ATP13A5: variants seen among roughly 807,000 people sequenced by gnomAD.
ATP13A5 encodes the protein ATPase 13A5.
A neutral mutation model predicts 150.2 loss-of-function variants in ATP13A5; 149 were observed. The observed-to-expected ratio is 0.99, with a 90% CI of 0.87 to 1.14. The LOEUF (loss-of-function observed/expected upper bound fraction) is 1.14. ATP13A5 is among the 50% of genes most tolerant of loss of function. The pLI, the probability that ATP13A5 is intolerant of heterozygous loss-of-function variation, is 0.00. For missense variants in ATP13A5, 1,383 were observed against 1,449.3 expected (o/e 0.95, Z 0.74); for synonymous variants, 497 against 522.2 (o/e 0.95, Z 0.66).
chr3:193,293,756 G>T (rs966643369), intron 25 of ATP13A5, among the ~76,000 whole-genome samples: 5 of 152,068 alleles, frequency 3.3e-5, no homozygotes, highest in African/African-American at 4.8e-5. Flanking sequence ...GGTATCATGA[G>T]ATTTCTAAGA....
At chr3:193,354,672 G>A (rs7633392) in intron 5 of ATP13A5, among the ~76,000 whole-genome samples, 82,227 of 151,588 alleles carry the variant, frequency 0.54, 22,524 homozygotes, top group African/African-American at 0.61. Context: ...CTGAATGAAC[G>A]AGCAAATGAA....
At chr3:193,314,412 T>A (rs916797916) in intron 18 of ATP13A5, 27 of 495,842 alleles carry the variant, frequency 5.4e-5, no homozygotes, top group African/African-American at 4.6e-4. Flanking sequence ...TCCATGTGTA[T>A]TTCAAAACAT....
rs189229168 is a variant in ATP13A5 at position 193,302,789 on chromosome 3, G to T, written c.2679-1482C>A. Among the ~76,000 whole-genome samples the T allele has an allele frequency of 1.9e-3, 291 of 152,252 alleles. 2 individuals are homozygous for T. The highest frequency in any genetic ancestry group is 6.8e-3 in the African/African-American group (284 of 41,556). On this transcript the variant is annotated intron_variant, in intron 23 of 29. Transcript: ENST00000342358. ...TATGCATCTAAAACTGTATCTCATT[G>T]CCTCTCTGGAGTGCTTTCTCAGGAA... is the stretch of plus-strand genomic sequence containing the variant.
Position 193,362,775 on chromosome 3 carries a change from T to TTCTC in ATP13A5, c.385-139_385-138insGAGA, listed in dbSNP as rs1245254852. ...CTTCTTTCTTTCTTTCTTTCTTTCT[T>TTCTC]TCTTTCTTTCTTTCTTTCTTTCTTT... On this transcript the variant is annotated intron_variant, in intron 3 of 29. Transcript: ENST00000342358. The TTCTC allele has an allele frequency of 6.0e-5, 20 of 335,964 alleles. No individual in the cohort carries two copies. The African/African-American group carries it at 6.7e-4, about 11-fold the overall frequency. The allele number at this position is 335,964 out of a possible 1,614,324, so 20.8% of individuals were successfully genotyped here.
chr3:193,314,591 C>T (rs1353283263), intron 18 of ATP13A5, among the ~76,000 whole-genome samples: 1 of 152,136 alleles, frequency 6.6e-6, no homozygotes, highest in East Asian at 1.9e-4. Flanking sequence ...TTGGGTTTGA[C>T]GATCATACAC....
chr3:193,276,053 TGTA>T (rs1396188361), intron 29 of ATP13A5, among the ~76,000 whole-genome samples: 4 of 152,194 alleles, frequency 2.6e-5, no homozygotes, highest in African/African-American at 7.2e-5. Flanking sequence ...CCTTCATACA[TGTA>T]GTATTTTTCT....
chr3:193,356,832 G>A (rs1416781643), intron 5 of ATP13A5, among the ~76,000 whole-genome samples: 1 of 103,888 alleles, frequency 9.6e-6, no homozygotes, highest in Non-Finnish European at 2.0e-5. Context: ...TTTCTTTTTT[G>A]AGACGGAGTG....
chr3:193,346,899 C>T (rs761106338), intron 7 of ATP13A5, among the ~76,000 whole-genome samples: 1 of 151,990 alleles, frequency 6.6e-6, no homozygotes, highest in Non-Finnish European at 1.5e-5. Flanking sequence ...TTTAATGATG[C>T]GTAATAGTGG....
At chr3:193,288,577 A>G (rs1461354288) in intron 26 of ATP13A5, among the ~76,000 whole-genome samples, 2 of 125,152 alleles carry the variant, frequency 1.6e-5, no homozygotes, top group African/African-American at 3.5e-5. Flanking sequence ...TGCACACTTG[A>G]TAGACTACAG....
intron 13 of ATP13A5, among the ~76,000 whole-genome samples, chr3:193,325,512 T>A (rs1403284208): frequency 6.6e-6 from 1 of 152,212 alleles, no homozygotes; most frequent in Non-Finnish European, 1.5e-5. Flanking sequence ...CCAGCCCACA[T>A]AATGGCAGCA....
At chr3:193,320,644 AG>A (rs751995579) in intron 16 of ATP13A5, among the ~76,000 whole-genome samples, 1 of 151,730 alleles carries the variant, frequency 6.6e-6, no homozygotes, top group East Asian at 1.9e-4. Context: ...GGCTAAAAAA[AG>A]ACTCCCAATA....
intron 1 of ATP13A5, among the ~76,000 whole-genome samples, chr3:193,371,560 A>C (rs1713441754): frequency 6.6e-6 from 1 of 152,134 alleles, no homozygotes; most frequent in African/African-American, 2.4e-5. Context: ...ACCTCTTCAC[A>C]CTCATATGGT....
chr3:193,301,555 T>C (rs992028339), intron 23 of ATP13A5, among the ~76,000 whole-genome samples: 2 of 152,236 alleles, frequency 1.3e-5, no homozygotes, highest in East Asian at 1.9e-4. Flanking sequence ...CTAAGAGTCA[T>C]AGAGGATATA....
chr3:193,376,005 A>G (rs1713628539), intron 1 of ATP13A5, among the ~76,000 whole-genome samples: 1 of 152,210 alleles, frequency 6.6e-6, no homozygotes, highest in Non-Finnish European at 1.5e-5. Flanking sequence ...AGACCGGGCC[A>G]CAGGGAATCT....
At position 193,275,015 on chromosome 3, in the gene ATP13A5, G is replaced by A. The variant is rs1174070307; in HGVS notation, c.*27C>T. 11 of 1,612,500 alleles carry A rather than the reference G, an allele frequency of 6.8e-6. No homozygotes were observed. The highest frequency in any genetic ancestry group is 9.3e-6 in the Non-Finnish European group (11 of 1,179,098). ...TAATTTTGGGGAAAAAAGCAATGCT[G>A]TTGAGCATGTACGACGACAATTCTG... is the stretch of plus-strand genomic sequence containing the variant. On this transcript the variant is annotated 3_prime_UTR_variant, in exon 30 of 30. Transcript: ENST00000342358.
intron 11 of ATP13A5, among the ~76,000 whole-genome samples, chr3:193,332,341 C>T (rs931093194): frequency 6.6e-6 from 1 of 152,120 alleles, no homozygotes; most frequent in Non-Finnish European, 1.5e-5. Flanking sequence ...TATAAATTGC[C>T]CAGTCTCAGG....
chr3:193,312,063 G>A (rs1427369593), intron 19 of ATP13A5, 122 bp from the exon 20 acceptor site: 7 of 1,280,354 alleles, frequency 5.5e-6, no homozygotes, highest in Non-Finnish European at 6.5e-6. Flanking sequence ...ACAAAATAAT[G>A]TGTAATTTGC....
chr3:193,284,905 T>C lies in ATP13A5; in HGVS notation c.3226+9A>G, dbSNP rs375202533. ...ATTCAGAAAGAAAAATTAAACTTTA[T>C]ATACTTACAGTTTGTATAGATGGGT... On this transcript the variant is annotated intron_variant, in intron 27 of 29. Transcript: ENST00000342358. The C allele has an allele frequency of 1.1e-5, 18 of 1,598,344 alleles. No individual in the cohort carries two copies. Among genetic ancestry groups the C allele is most frequent in the Non-Finnish European group, 1.5e-5 (17 of 1,169,762 alleles).
In ATP13A5 at chr3:193,305,568, T is replaced by G; in HGVS notation, c.2669A>C (p.His890Pro). The G allele has an allele frequency of 1.2e-6, 2 of 1,613,544 alleles. No homozygotes were observed. The highest frequency in any genetic ancestry group is 1.7e-6 in the Non-Finnish European group (2 of 1,179,516). Residue 890 changes from histidine (H) to proline (P), a missense_variant, in exon 23 of 30, where the codon CAT (histidine) becomes CCT (proline). Physicochemically the swap from His to Pro is moderately conservative, Grantham distance 77. Coordinates refer to ENST00000342358, the MANE Select transcript of ATP13A5 (RefSeq NM_198505.4). Reference protein sequence around the residue: ...SKTTNIQCVPHLIREGRAALV... With the variant: ...SKTTNIQCVPPLIREGRAALV... ...GGAAAAAATGACTTACCTGATGAGA[T>G]GAGGCACACACTGGATGTTGGTTGT...
Sources: gnomAD v4.1 joint callset for allele counts (sites outside exome capture counted in the v4.1 genomes callset) on GRCh38, gnomAD v4.1.1 for gene constraint, MANE v1.5 for transcripts, NCBI Gene and HGNC (gene_info 2026-07-23, HGNC 2026-07-21) for gene names.